The following CORO2A variants were observed in gnomAD, a reference collection of about 807,000 sequenced individuals.
CORO2A encodes the protein coronin 2A, also known as coronin-2A.
A neutral mutation model predicts 62.4 loss-of-function variants in CORO2A; 47 were observed. The observed-to-expected ratio is 0.75, with a 90% CI of 0.60 to 0.96. The LOEUF (loss-of-function observed/expected upper bound fraction) is 0.96, where lower values mean the gene tolerates loss of function less well. Among genes scored for constraint, CORO2A ranks in the 40% least tolerant of loss-of-function variants. The pLI, the probability that CORO2A is intolerant of heterozygous loss-of-function variation, is 0.00. For synonymous variants in CORO2A, 273 were observed against 268.9 expected (o/e 1.02, Z -0.15); for missense variants, 610 against 684.1 (o/e 0.89, Z 1.21).
chr9:98,179,224 A>C (rs552989540), intron 1 of CORO2A, among the ~76,000 whole-genome samples: 1 of 152,254 alleles, frequency 6.6e-6, no homozygotes, highest in South Asian at 2.1e-4. Flanking sequence ...GGAAGGTCCT[A>C]CTTGAGTGTC....
intron 2 of CORO2A, among the ~76,000 whole-genome samples, chr9:98,151,732 G>A (rs564821984): frequency 3.3e-5 from 5 of 151,826 alleles, no homozygotes; most frequent in Middle Eastern, 3.4e-3. Flanking sequence ...GCGCCATCTC[G>A]GCTCACTGCA....
At chr9:98,158,541 G>C (rs1211121624) in intron 1 of CORO2A, among the ~76,000 whole-genome samples, 2 of 152,156 alleles carry the variant, frequency 1.3e-5, no homozygotes, top group Non-Finnish European at 2.9e-5. Context: ...TTTGGAAACA[G>C]TAGGCCTGAG....
chr9:98,163,768 G>GAGAGAGAGAGAGAA (rs144754511), intron 1 of CORO2A, among the ~76,000 whole-genome samples: 2 of 146,960 alleles, frequency 1.4e-5, no homozygotes, highest in Non-Finnish European at 3.0e-5. Flanking sequence ...GAGAGAGAGA[G>GAGAGAGAGAGAGAA]AGAGAGAAAG....
chr9:98,165,070 G>C (rs568704055), intron 1 of CORO2A, among the ~76,000 whole-genome samples: 1 of 152,042 alleles, frequency 6.6e-6, no homozygotes, highest in Non-Finnish European at 1.5e-5. Context: ...CTGGGCTTGC[G>C]CAATCCTCTG....
At chr9:98,157,962 AC>A (rs1422936120) in intron 1 of CORO2A, among the ~76,000 whole-genome samples, 1 of 152,146 alleles carries the variant, frequency 6.6e-6, no homozygotes, top group Non-Finnish European at 1.5e-5. Flanking sequence ...GAGAGAATCC[AC>A]CACATTGACC....
At position 98,155,535 on chromosome 9, in the gene CORO2A, C is replaced by CG. The variant is rs532562088; in HGVS notation, c.201+1924dup. Among the ~76,000 whole-genome samples, 13 of 151,770 alleles carry CG rather than the reference C, an allele frequency of 8.6e-5. No homozygotes were observed. In the East Asian group the frequency reaches 2.5e-3, roughly 29 times the overall value. ...CTAATTTTTGTATTTTTAGTAGAGACGGGGTTTCACCATGTTGGTTAGGCT... is the reference window on the plus strand; with the variant it reads ...CTAATTTTTGTATTTTTAGTAGAGACGGGGGTTTCACCATGTTGGTTAGGCT... On this transcript the variant is annotated intron_variant, in intron 2 of 11. Transcript: ENST00000375077.
intron 2 of CORO2A, among the ~76,000 whole-genome samples, chr9:98,152,125 T>TG (rs757809121): frequency 2.6e-5 from 3 of 116,670 alleles, no homozygotes; most frequent in Admixed American, 9.7e-5. Flanking sequence ...CCTCTTTTGC[T>TG]GTTTTTTTTT....
intron 1 of CORO2A, among the ~76,000 whole-genome samples, chr9:98,176,318 A>C (rs1828108728): frequency 6.6e-6 from 1 of 152,168 alleles, no homozygotes; most frequent in East Asian, 1.9e-4. Flanking sequence ...GTAAGCACCA[A>C]ATACAATACC....
At position 98,129,873 on chromosome 9, in the gene CORO2A, G is replaced by A; in HGVS notation, c.888C>T (p.Arg296=). 2 of 1,613,866 alleles carry A rather than the reference G, an allele frequency of 1.2e-6. No individual in the cohort carries two copies. Among genetic ancestry groups the A allele is most frequent in the South Asian group, 2.2e-5 (2 of 91,084 alleles). The change falls in exon 8 of 12, where the codon CGC becomes CGT. Residue 296 remains arginine (R), a synonymous_variant. Transcript: ENST00000375077. ...GCTTGTCGGCGCTCACCTCGTAGTA[G>A]CGGATGTTGCCATCTCCCTGAGGAG... ...YVVGKGDGNI[R]YYEVSADKPH... is the part of the protein sequence containing the mutation.
intron 9 of CORO2A, 74 bp downstream of exon 9, chr9:98,128,532 GC>G: frequency 7.5e-7 from 1 of 1,334,704 alleles, no homozygotes; most frequent in South Asian, 1.2e-5. Flanking sequence ...AGGCTCTGGT[GC>G]CCGACAGCCC....
In CORO2A at chr9:98,129,879, G is replaced by A; in HGVS notation, c.882C>T (p.Asn294=). The part of the protein sequence containing the change: ...MLYVVGKGDG[N]IRYYEVSADK... ...CGGCGCTCACCTCGTAGTAGCGGAT[G>A]TTGCCATCTCCCTGAGGAGGAGGAG... Residue 294 remains asparagine (N), a synonymous_variant, in exon 8 of 12, where the codon AAC becomes AAT. Coordinates refer to ENST00000375077, the MANE Select transcript of CORO2A (RefSeq NM_052820.4). 1 of 1,613,694 alleles carries A rather than the reference G, an allele frequency of 6.2e-7. No homozygotes were observed. Among genetic ancestry groups the A allele is most frequent in the Non-Finnish European group, 8.5e-7 (1 of 1,179,738 alleles).
rs1827542159 is a variant in CORO2A, at chr9:98,139,829, A to G, written c.202-2141T>C. ...AACAAAACACGGTGAATTTTCTGGT[A>G]TGTGAATTCTACCTCAATTACATAG... On this transcript the variant is annotated intron_variant, in intron 2 of 11. Coordinates refer to ENST00000375077, the MANE Select transcript of CORO2A (RefSeq NM_052820.4). Among the ~76,000 whole-genome samples, 2 of 152,194 alleles carry G rather than the reference A, an allele frequency of 1.3e-5. 1 individual carries two copies. The highest frequency in any genetic ancestry group is 4.1e-4 in the South Asian group (2 of 4,834).
At chr9:98,133,412 C>T (rs1393910543) in intron 4 of CORO2A, among the ~76,000 whole-genome samples, 195 bp from the exon 5 acceptor site, 1 of 152,174 alleles carries the variant, frequency 6.6e-6, no homozygotes, top group African/African-American at 2.4e-5. Context: ...ATCCCAGGGC[C>T]AGGCTGTCTA....
intron 1 of CORO2A, among the ~76,000 whole-genome samples, chr9:98,164,268 G>A (rs1827929532): frequency 6.6e-6 from 1 of 152,244 alleles, no homozygotes; most frequent in Non-Finnish European, 1.5e-5. Flanking sequence ...CAAAGGCTGA[G>A]AATTCACACA....
At chr9:98,163,149 G>A (rs573586258) in intron 1 of CORO2A, among the ~76,000 whole-genome samples, 1 of 152,354 alleles carries the variant, frequency 6.6e-6, no homozygotes, top group South Asian at 2.1e-4. Context: ...CTCCCAGAAA[G>A]GATGTAGTCA....
chr9:98,132,927 G>T, intron 5 of CORO2A, 111 bp downstream of exon 5: 1 of 1,238,386 alleles, frequency 8.1e-7, no homozygotes, highest in Non-Finnish European at 1.1e-6. Context: ...GCCTGTGAAG[G>T]CGCAGCCCAG....
Position 98,154,352 on chromosome 9 carries a change from T to TAC in CORO2A, c.201+3106_201+3107dup, listed in dbSNP as rs1554745024. Among the ~76,000 whole-genome samples, 319 of 93,350 alleles carry TAC rather than the reference T, an allele frequency of 3.4e-3. 8 individuals carry two copies. The highest frequency in any genetic ancestry group is 7.3e-3 in the East Asian group (16 of 2,182). 61.2% of individuals were successfully genotyped at this position (93,350 alleles called of 152,430 possible). ...GTGTATATATATATATATATATATA[T>TAC]ACACAAATACATATATATATATATT... On this transcript the variant is annotated intron_variant, in intron 2 of 11. Transcript: ENST00000375077.
At position 98,132,252 on chromosome 9, in the gene CORO2A, T is replaced by C; in HGVS notation, c.698A>G (p.Asn233Ser). 1 of 1,614,146 alleles carries C rather than the reference T, an allele frequency of 6.2e-7. No homozygotes were observed. The highest frequency in any genetic ancestry group is 8.5e-7 in the Non-Finnish European group (1 of 1,180,008). ...HRASKVLFLG[N>S]LKKLMSTGTS... ...GCCTGTGGACATCAGCTTCTTCAGG[T>C]TCCCCAGAAACAGCACTTTGCTGGC... The change falls in exon 6 of 12, where the codon AAC (asparagine) becomes AGC (serine). Residue 233 changes from asparagine (N) to serine (S), a missense_variant. Transcript: ENST00000375077.
chr9:98,189,887 A>AC (rs1564223310), intron 1 of CORO2A, among the ~76,000 whole-genome samples: 1 of 89,778 alleles, frequency 1.1e-5, no homozygotes, highest in African/African-American at 5.7e-5. Context: ...CAACTCCTTT[A>AC]TTTTTTTTTT....
Sources: allele counts gnomAD v4.1 joint callset (sites outside exome capture counted in the v4.1 genomes callset), GRCh38; gene constraint gnomAD v4.1.1; transcripts MANE v1.5; gene names NCBI Gene and HGNC (gene_info 2026-07-23, HGNC 2026-07-21).